The following FREM3 variants were observed in gnomAD, a reference collection of about 807,000 sequenced individuals.
FREM3 encodes FRAS1-related extracellular matrix protein 3.
FREM3 carries 105 observed loss-of-function variants against 129.1 expected under a neutral mutation model. That is an observed-to-expected ratio of 0.81 (90% CI 0.69 to 0.96). The LOEUF is 0.96. Among genes scored for constraint, FREM3 ranks in the 40% least tolerant of loss-of-function variants. The pLI, the probability that FREM3 is intolerant of heterozygous loss-of-function variation, is 0.00. For synonymous variants in FREM3, 1,014 were observed against 1,044.9 expected (o/e 0.97, Z 0.57); for missense variants, 2,593 against 2,666.3 (o/e 0.97, Z 0.61).
At chr4:143,622,122 G>T (rs1400860838) in intron 4 of FREM3, among the ~76,000 whole-genome samples, 5 of 143,914 alleles carry the variant, frequency 3.5e-5, no homozygotes, top group Non-Finnish European at 4.5e-5. Context: ...GCAGGGTCTT[G>T]CTCTGTCACC....
At chr4:143,594,352 A>T (rs1018483654) in intron 6 of FREM3, among the ~76,000 whole-genome samples, 1 of 152,098 alleles carries the variant, frequency 6.6e-6, no homozygotes, top group Non-Finnish European at 1.5e-5. Flanking sequence ...AGCTGTTCCT[A>T]TTTGGCCATC....
chr4:143,609,009 G>A (rs1367870419), intron 6 of FREM3, among the ~76,000 whole-genome samples: 1 of 152,108 alleles, frequency 6.6e-6, no homozygotes, highest in African/African-American at 2.4e-5. Context: ...ATTAACTAAT[G>A]CCTTTTTCTT....
At chr4:143,693,253 G>A (rs1740506041) in intron 1 of FREM3, 51 bp from the exon 2 acceptor site, 1 of 914,486 alleles carries the variant, frequency 1.1e-6, no homozygotes, top group Non-Finnish European at 1.6e-6. Flanking sequence ...AAATGAAAAT[G>A]AGTATGTTAA....
At chr4:143,645,955 G>C (rs1221245177) in intron 2 of FREM3, among the ~76,000 whole-genome samples, 1 of 152,128 alleles carries the variant, frequency 6.6e-6, no homozygotes, top group Non-Finnish European at 1.5e-5. Flanking sequence ...TTGTTTGCTT[G>C]TTTTAATTCA....
At chr4:143,591,290 T>C (rs534126256) in intron 6 of FREM3, among the ~76,000 whole-genome samples, 1 of 152,216 alleles carries the variant, frequency 6.6e-6, no homozygotes, top group Non-Finnish European at 1.5e-5. Context: ...AGCTTTTGAA[T>C]GTGTTTGCTC....
Position 143,700,538 on chromosome 4 carries a change from C to A in FREM3, c.138G>T (p.Leu46=). Residue 46 remains leucine (L), a synonymous_variant, in exon 1 of 8, where the codon CTG becomes CTT. Coordinates refer to ENST00000329798, the MANE Select transcript of FREM3 (RefSeq NM_001168235.2). ...LGTEPDPALY[L]PARGALDGTR... is the part of the protein sequence containing the mutation. ...TGCCGTCAAGCGCACCCCGGGCGGG[C>A]AGGTAAAGCGCCGGGTCGGGCTCGG... 1 of 1,519,476 alleles carries A rather than the reference C, an allele frequency of 6.6e-7. No homozygotes were observed. Among genetic ancestry groups the A allele is most frequent in the Non-Finnish European group, 8.8e-7 (1 of 1,136,900 alleles). 94.1% of individuals were successfully genotyped at this position (1,519,476 alleles called of 1,614,324 possible). A position where few individuals can be genotyped will look rare whatever the true frequency, so the allele number is the denominator to read the frequency against.
chr4:143,666,082 CA>C (rs1739854214), intron 2 of FREM3, among the ~76,000 whole-genome samples: 1 of 151,938 alleles, frequency 6.6e-6, no homozygotes, highest in African/African-American at 2.4e-5. Flanking sequence ...AAATACCTGC[CA>C]GGGTTTTACA....
intron 3 of FREM3, among the ~76,000 whole-genome samples, chr4:143,626,918 C>T (rs981259399): frequency 1.3e-5 from 2 of 152,124 alleles, no homozygotes; most frequent in African/African-American, 4.8e-5. Flanking sequence ...CAATATAACC[C>T]TATCTGTCTT....
rs530593501 is a variant in FREM3, at chr4:143,588,991, C to T, written c.6029-2998G>A. Among the ~76,000 whole-genome samples, 3 of 151,992 alleles carry T rather than the reference C, an allele frequency of 2.0e-5. No homozygotes were observed. The East Asian group carries it at 5.8e-4, about 29-fold the overall frequency. On this transcript the variant is annotated intron_variant, in intron 6 of 7. Coordinates refer to ENST00000329798, the MANE Select transcript of FREM3 (RefSeq NM_001168235.2). The stretch of plus-strand genomic sequence containing the variant: ...GTTTTGATTTGCATTTCTCTGATGG[C>T]CAGTGATGATGAGCATTTTTTCATG...
intron 2 of FREM3, among the ~76,000 whole-genome samples, chr4:143,666,325 A>C (rs1739859263): frequency 6.6e-6 from 1 of 152,168 alleles, no homozygotes; most frequent in Non-Finnish European, 1.5e-5. Context: ...GCAGTTTGGC[A>C]GTTTCTAAAA....
At chr4:143,655,659 A>T (rs1010690489) in intron 2 of FREM3, among the ~76,000 whole-genome samples, 2 of 152,236 alleles carry the variant, frequency 1.3e-5, no homozygotes, top group African/African-American at 4.8e-5. Flanking sequence ...ATACCATTTA[A>T]GTTATTTTGA....
chr4:143,700,311 C>T lies in FREM3; in HGVS notation c.365G>A (p.Arg122His), dbSNP rs779645155. 32 of 1,534,926 alleles carry T rather than the reference C, an allele frequency of 2.1e-5. No individual in the cohort carries two copies. The African/African-American group carries it at 3.0e-4, about 14-fold the overall frequency. Residue 122 changes from arginine to histidine, a missense_variant, in exon 1 of 8, where the codon CGC becomes CAC. Transcript: ENST00000329798. Reference sequence around the variant, plus strand: ...GCCGAAGTGAGTGTACTGGACTTGGCGGGGCCCGAAGGTGCAGGGGAAGCG... The same window carrying T: ...GCCGAAGTGAGTGTACTGGACTTGGTGGGGCCCGAAGGTGCAGGGGAAGCG... ...PRRFPCTFGP[R>H]QVQYTHFGSH...
intron 1 of FREM3, 41 bp downstream of exon 1, chr4:143,695,450 A>T (rs564658914): frequency 6.8e-7 from 1 of 1,464,494 alleles, no homozygotes; most frequent in African/African-American, 1.4e-5. Context: ...TGATCCAATG[A>T]AGGAGAGGGA....
At chr4:143,597,601 A>G (rs1253219383) in intron 6 of FREM3, among the ~76,000 whole-genome samples, 4 of 152,236 alleles carry the variant, frequency 2.6e-5, no homozygotes, top group African/African-American at 9.6e-5. Context: ...TACAAAAATC[A>G]CTAGCATTTC....
At chr4:143,593,034 T>C (rs1395725273) in intron 6 of FREM3, among the ~76,000 whole-genome samples, 5 of 152,228 alleles carry the variant, frequency 3.3e-5, no homozygotes, top group African/African-American at 1.2e-4. Context: ...ATCGCATCGG[T>C]TACTGAGGCT....
At chr4:143,610,469 A>G (rs144443728) in intron 6 of FREM3, among the ~76,000 whole-genome samples, 231 of 152,290 alleles carry the variant, frequency 1.5e-3, no homozygotes, top group African/African-American at 5.2e-3. Context: ...TTTGTGGTGC[A>G]TCCATAAAGC....
At position 143,585,895 on chromosome 4, in the gene FREM3, G is replaced by A. The variant is rs1444001844; in HGVS notation, c.6127C>T (p.Pro2043Ser). 6.5e-7 allele frequency: 1 copy of A among 1,537,366 alleles called. No homozygotes were observed. The highest frequency in any genetic ancestry group is 8.7e-7 in the Non-Finnish European group (1 of 1,146,952). Residue 2043 changes from proline (P) to serine (S), a missense_variant, in exon 7 of 8, where the codon CCA (proline) becomes TCA (serine). Transcript: ENST00000329798. This position sits in a 1 kb window ranked among gnomAD's most constrained non-coding sequence, Gnocchi z 4.2. ...VWRRGTDLSQ[P>S]SSIAVRSRKS... is the part of the protein sequence containing the mutation. ...CTGGAGCGCACGGCGATGGATGATGGTTGGGAAAGATCAGTGCCTCTTCTC... is the reference window on the plus strand; with the variant it reads ...CTGGAGCGCACGGCGATGGATGATGATTGGGAAAGATCAGTGCCTCTTCTC...
intron 2 of FREM3, among the ~76,000 whole-genome samples, chr4:143,632,559 G>A (rs988003963): frequency 6.6e-6 from 1 of 152,156 alleles, no homozygotes; most frequent in Non-Finnish European, 1.5e-5. Flanking sequence ...CTATCAATCA[G>A]TACTTAAGAA....
intron 2 of FREM3, among the ~76,000 whole-genome samples, chr4:143,666,168 G>A (rs147283802): frequency 4.6e-4 from 70 of 152,160 alleles, no homozygotes; most frequent in Middle Eastern, 3.4e-3. Context: ...GCCATGGAGC[G>A]TGCTGGCAGT....
Sources: gnomAD v4.1 joint callset for allele counts (sites outside exome capture counted in the v4.1 genomes callset) on GRCh38, gnomAD v4.1.1 for gene constraint, Gnocchi (gnomAD v3.1) non-coding constraint, MANE v1.5 for transcripts, NCBI Gene and HGNC (gene_info 2026-07-23, HGNC 2026-07-21) for gene names.